LDHC: variants seen among roughly 807,000 people sequenced by gnomAD.
LDHC encodes lactate dehydrogenase C.
A neutral mutation model predicts 30.2 loss-of-function variants in LDHC; 20 were observed. That is an observed-to-expected ratio of 0.66 (90% CI 0.47 to 0.96). The LOEUF (loss-of-function observed/expected upper bound fraction) is 0.96, where lower values mean the gene tolerates loss of function less well. Among genes scored for constraint, LDHC ranks in the 40% least tolerant of loss-of-function variants. The probability of loss-of-function intolerance (pLI) is 0.00; values close to 1 mark genes in which losing one functional copy is unlikely to be tolerated. For missense variants in LDHC, 362 were observed against 394.9 expected (o/e 0.92, Z 0.71); for synonymous variants, 139 against 132.7 (o/e 1.05, Z -0.32).
At chr11:18,440,967 A>T (rs1020012341) in intron 6 of LDHC, among the ~76,000 whole-genome samples, 1 of 151,698 alleles carries the variant, frequency 6.6e-6, no homozygotes, top group Admixed American at 6.6e-5. Context: ...AAATAAAATA[A>T]ATTAAAAAAT....
rs554926580 is a variant in LDHC, at chr11:18,438,690, T to C, written c.710+45T>C. 109 of 967,628 alleles carry C rather than the reference T, an allele frequency of 1.1e-4. 2 individuals are homozygous for C. The South Asian group carries it at 1.5e-3, about 13-fold the overall frequency. The allele number at this position is 967,628 out of a possible 1,614,324, so 59.9% of individuals were successfully genotyped here. A position where few individuals can be genotyped will look rare whatever the true frequency, so the allele number is the denominator to read the frequency against. On this transcript the variant is annotated intron_variant, in intron 6 of 7. Transcript: ENST00000541669. ...TTCTTAATGCCTTAATAGTCAGTCT[T>C]AAGAATAAATATCACGGACAAAAAT...
At chr11:18,431,218 T>C (rs1848259791) in intron 4 of LDHC, among the ~76,000 whole-genome samples, 1 of 152,052 alleles carries the variant, frequency 6.6e-6, no homozygotes, top group Admixed American at 6.5e-5. Flanking sequence ...CGCAACACTT[T>C]GGGAGCCTAA....
chr11:18,436,691 G>A (rs1256114698), intron 5 of LDHC, among the ~76,000 whole-genome samples: 1 of 151,756 alleles, frequency 6.6e-6, no homozygotes, highest in Non-Finnish European at 1.5e-5. Flanking sequence ...TCTCCATGTT[G>A]GTCAGGCTGG....
intron 7 of LDHC, chr11:18,450,627 T>C (rs1848639433): frequency 5.1e-6 from 1 of 195,654 alleles, no homozygotes; most frequent in Non-Finnish European, 1.0e-5. Flanking sequence ...GTTACTTGAT[T>C]CTCATAGTAC....
intron 5 of LDHC, among the ~76,000 whole-genome samples, chr11:18,436,705 C>A (rs946256873): frequency 6.6e-6 from 1 of 151,708 alleles, no homozygotes; most frequent in Non-Finnish European, 1.5e-5. Flanking sequence ...AGGCTGGTCT[C>A]GAACTCTTGA....
rs972495484 is a variant in LDHC at position 18,441,877 on chromosome 11, G to A, written c.710+3232G>A. ...GTTGAGGTTACGCCACTGCACTCCA[G>A]CATGGGCGACAGAGGGAGACTCCGT... On this transcript the variant is annotated intron_variant, in intron 6 of 7. Coordinates refer to ENST00000541669, the MANE Select transcript of LDHC (RefSeq NM_017448.5). 2.0e-5 allele frequency among the ~76,000 whole-genome samples: 3 copies of A among 152,110 alleles called. No individual in the cohort carries two copies. In the South Asian group the frequency reaches 6.2e-4, roughly 31 times the overall value.
intron 5 of LDHC, among the ~76,000 whole-genome samples, chr11:18,436,481 G>GTT (rs35976847): frequency 0.02 from 2,158 of 108,066 alleles, 106 homozygotes; most frequent in Non-Finnish European, 0.026. Context: ...ATAATACAAA[G>GTT]TTTTTTTTTT....
intron 3 of LDHC, among the ~76,000 whole-genome samples, chr11:18,421,518 C>T (rs979316479): frequency 3.3e-5 from 5 of 151,826 alleles, no homozygotes; most frequent in African/African-American, 1.2e-4. Context: ...ACTAAAAATA[C>T]AAAAATTAGT....
chr11:18,424,015 TAGTA>T (rs35077834), intron 3 of LDHC, among the ~76,000 whole-genome samples: 99,529 of 151,526 alleles, frequency 0.66, 33,556 homozygotes, highest in South Asian at 0.76. Flanking sequence ...AGAAGTGTGA[TAGTA>T]AGTGTTTGTG....
At chr11:18,431,636 C>T (rs894430132) in intron 4 of LDHC, among the ~76,000 whole-genome samples, 3 of 152,062 alleles carry the variant, frequency 2.0e-5, no homozygotes, top group Non-Finnish European at 4.4e-5. Context: ...ATCTCCTTGT[C>T]GCAGGTTCAA....
chr11:18,446,479 AT>A (rs1239344031), intron 7 of LDHC, 146 bp downstream of exon 7: 1 of 618,990 alleles, frequency 1.6e-6, no homozygotes, highest in African/African-American at 1.9e-5. Context: ...GGTCAAAAAA[AT>A]ACAGATACCT....
At chr11:18,433,648 G>T (rs190983408) in intron 4 of LDHC, among the ~76,000 whole-genome samples, 3 of 152,164 alleles carry the variant, frequency 2.0e-5, no homozygotes, top group Non-Finnish European at 1.5e-5. Context: ...AGGTTGTAGG[G>T]TTTCTGCTGA....
chr11:18,446,306 A>C lies in LDHC; in HGVS notation c.807A>C (p.Arg269Ser). Reference sequence around the variant, plus strand: ...GATCCATTTTGAAAAATCTTAGGAGAGTGCACCCAGTTTCCACCATGGTTA... The same window carrying C: ...GATCCATTTTGAAAAATCTTAGGAGCGTGCACCCAGTTTCCACCATGGTTA... ...LVGSILKNLRRVHPVSTMVKG... is the reference protein window; with the variant it reads ...LVGSILKNLRSVHPVSTMVKG... The change falls in exon 7 of 8, where the codon AGA becomes AGC. Residue 269 changes from arginine to serine, a missense_variant. Transcript: ENST00000541669. The C allele has an allele frequency of 6.2e-7, 1 of 1,606,950 alleles. No individual in the cohort carries two copies. Among genetic ancestry groups the C allele is most frequent in the Middle Eastern group, 1.7e-4 (1 of 6,044 alleles).
intron 3 of LDHC, among the ~76,000 whole-genome samples, chr11:18,415,813 C>G (rs1337737906): frequency 2.0e-5 from 3 of 152,070 alleles, no homozygotes; most frequent in Non-Finnish European, 4.4e-5. Flanking sequence ...TTGCCTCAGT[C>G]TCCTGAATAG....
intron 3 of LDHC, among the ~76,000 whole-genome samples, chr11:18,429,151 T>C (rs1196654071): frequency 7.2e-6 from 1 of 139,504 alleles, no homozygotes; most frequent in African/African-American, 2.7e-5. Context: ...AGACAGAGTC[T>C]TGCCAGGCTG....
intron 4 of LDHC, among the ~76,000 whole-genome samples, chr11:18,432,652 G>A (rs1848287780): frequency 6.6e-6 from 1 of 152,122 alleles, no homozygotes; most frequent in South Asian, 2.1e-4. Context: ...CCATTGTTAG[G>A]TGCATATATG....
intron 4 of LDHC, among the ~76,000 whole-genome samples, chr11:18,433,178 G>C (rs1386486273): frequency 6.6e-6 from 1 of 152,224 alleles, no homozygotes; most frequent in South Asian, 2.1e-4. Flanking sequence ...CTGAGGTCAG[G>C]AGTTCAAGAC....
chr11:18,423,055 T>A (rs1352064643), intron 3 of LDHC, among the ~76,000 whole-genome samples: 1 of 151,816 alleles, frequency 6.6e-6, no homozygotes, highest in Non-Finnish European at 1.5e-5. Context: ...CTGGGCGCAG[T>A]AGCTCATGCC....
rs117558058 is a variant in LDHC at position 18,430,074 on chromosome 11, C to T, written c.418+164C>T. Among the ~76,000 whole-genome samples the T allele has an allele frequency of 2.3e-3, 344 of 150,560 alleles. 12 individuals are homozygous for T. In the East Asian group the frequency reaches 0.063, roughly 28 times the overall value. ...TAAATGTAATCACTCATGAAACTAC[C>T]GCCATGATCAAGATACAAAACATTT... On this transcript the variant is annotated intron_variant, in intron 4 of 7. Coordinates refer to ENST00000541669, the MANE Select transcript of LDHC (RefSeq NM_017448.5).
Sources: allele counts gnomAD v4.1 joint callset (sites outside exome capture counted in the v4.1 genomes callset), GRCh38; gene constraint gnomAD v4.1.1; transcripts MANE v1.5; gene names NCBI Gene and HGNC (gene_info 2026-07-23, HGNC 2026-07-21).